PGLYRP3: variants seen among roughly 807,000 people sequenced by gnomAD.
PGLYRP3 encodes the protein peptidoglycan recognition protein I alpha.
A neutral mutation model predicts 36.0 loss-of-function variants in PGLYRP3; 39 were observed. That is an observed-to-expected ratio of 1.08 (90% confidence interval 0.84 to 1.41). The LOEUF is 1.41. Among genes scored for constraint, PGLYRP3 ranks in the 40% most tolerant of loss-of-function variants. The pLI is 0.00. For missense variants in PGLYRP3, 407 were observed against 427.9 expected, an observed-to-expected ratio of 0.95 and a Z score of 0.43; for synonymous variants, 204 against 172.8, an observed-to-expected ratio of 1.18 and a Z score of -1.42.
chr1:153,300,376 T>A (rs376338950), intron 6 of PGLYRP3, among the ~76,000 whole-genome samples: 1 of 152,234 alleles, frequency 6.6e-6, no homozygotes, highest in African/African-American at 2.4e-5. Context: ...TACATTATCC[T>A]GTTCTGCATC....
At chr1:153,306,288 G>A (rs746755601) in intron 3 of PGLYRP3, among the ~76,000 whole-genome samples, 7 of 152,180 alleles carry the variant, frequency 4.6e-5, no homozygotes, top group African/African-American at 7.2e-5. Flanking sequence ...AGTTCCATGC[G>A]GGACAGCCCC....
At position 153,297,581 on chromosome 1, in the gene PGLYRP3, G is replaced by GAAAGAAGAAAGAAAGAAAGAAAGA. The variant is rs918244220; in HGVS notation, c.*374_*375insTCTTTCTTTCTTTCTTTCTTCTTT. 2.1e-5 allele frequency among the ~76,000 whole-genome samples: 1 copy of GAAAGAAGAAAGAAAGAAAGAAAGA among 48,436 alleles called. No homozygotes were observed. 31.8% of individuals were successfully genotyped at this position (48,436 alleles called of 152,430 possible). ...AAAGAAAAAGAAAGAAAGAAAGAAA[G>GAAAGAAGAAAGAAAGAAAGAAAGA]AAGAAAGAAAGAAAGAAAGAAAGAG... On this transcript the variant is annotated 3_prime_UTR_variant, in exon 8 of 8. Transcript: ENST00000683862.
rs201517519 is a variant in PGLYRP3 at position 153,307,139 on chromosome 1, C to G, written c.184G>C (p.Val62Leu). Residue 62 changes from valine to leucine, a missense_variant, in exon 3 of 8, where the codon GTT becomes CTT. Coordinates refer to ENST00000683862, the MANE Select transcript of PGLYRP3 (RefSeq NM_052891.3). ...LPGMQCQQQS[V>L]CSQMLRGLQS... Reference sequence around the variant, plus strand: ...AACCCCCGCAGCATCTGGCTGCAAACGCTCTGCTGCTGGCACTGCATCCCT... The same window carrying G: ...AACCCCCGCAGCATCTGGCTGCAAAGGCTCTGCTGCTGGCACTGCATCCCT... The G allele has an allele frequency of 1.2e-6, 2 of 1,612,846 alleles. No homozygotes were observed. Among genetic ancestry groups the G allele is most frequent in the Non-Finnish European group, 1.7e-6 (2 of 1,179,470 alleles).
intron 5 of PGLYRP3, 50 bp from the exon 6 acceptor site, chr1:153,302,657 G>A (rs1264704553): frequency 6.4e-7 from 1 of 1,566,016 alleles, no homozygotes; most frequent in Non-Finnish European, 8.8e-7. Flanking sequence ...TTGCCTCTCT[G>A]TGAGCAATCA....
intron 1 of PGLYRP3, among the ~76,000 whole-genome samples, chr1:153,311,867 C>T (rs1422989231): frequency 2.0e-5 from 3 of 152,130 alleles, no homozygotes; most frequent in African/African-American, 4.8e-5. Flanking sequence ...CAGATAACAC[C>T]CAGGATTCCA....
chr1:153,300,331 AC>A (rs1232318263), intron 6 of PGLYRP3, among the ~76,000 whole-genome samples: 1 of 151,038 alleles, frequency 6.6e-6, no homozygotes, highest in Non-Finnish European at 1.5e-5. Flanking sequence ...GACCCCAATC[AC>A]CCCCCACAAA....
At chr1:153,306,694 T>C (rs78675916) in intron 3 of PGLYRP3, among the ~76,000 whole-genome samples, 2,844 of 152,188 alleles carry the variant, frequency 0.019, 63 homozygotes, top group East Asian at 0.086. Flanking sequence ...GAAATAAGGG[T>C]AGGAATATGG....
intron 2 of PGLYRP3, among the ~76,000 whole-genome samples, chr1:153,309,559 C>T (rs574954588): frequency 6.6e-6 from 1 of 152,326 alleles, no homozygotes; most frequent in African/African-American, 2.4e-5. Context: ...GAGGTTCTGT[C>T]CTTCTGTGAA....
chr1:153,300,010 A>G (rs1659545632), intron 6 of PGLYRP3, among the ~76,000 whole-genome samples: 1 of 152,058 alleles, frequency 6.6e-6, no homozygotes, highest in Non-Finnish European at 1.5e-5. Context: ...ACCCAGAGTG[A>G]TTTTTCTAAA....
chr1:153,298,379 G>T (rs1249930416), intron 7 of PGLYRP3, among the ~76,000 whole-genome samples: 1 of 152,140 alleles, frequency 6.6e-6, no homozygotes, highest in Non-Finnish European at 1.5e-5. Flanking sequence ...GAGGGGGCCA[G>T]GTGCAGTAGC....
chr1:153,301,930 G>A (rs983551046), intron 6 of PGLYRP3, among the ~76,000 whole-genome samples: 8 of 152,176 alleles, frequency 5.3e-5, no homozygotes, highest in Admixed American at 3.3e-4. Flanking sequence ...CCCTATTGTA[G>A]AGATGAGACA....
In PGLYRP3 at chr1:153,297,646, G is replaced by A. The variant is rs933407153; in HGVS notation, c.*310C>T. ...AAGAAAGAAGAGGAGACAGGGGTTG[G>A]GGGGAGAGAGAGAGAAATGCCACAA... On this transcript the variant is annotated 3_prime_UTR_variant, in exon 8 of 8. Coordinates refer to ENST00000683862, the MANE Select transcript of PGLYRP3 (RefSeq NM_052891.3). 6.6e-6 allele frequency among the ~76,000 whole-genome samples: 1 copy of A among 151,952 alleles called. No homozygotes were observed. Among genetic ancestry groups the A allele is most frequent in the Non-Finnish European group, 1.5e-5 (1 of 67,988 alleles).
intron 2 of PGLYRP3, 53 bp downstream of exon 2, chr1:153,310,558 C>T (rs201683514): frequency 1.8e-5 from 28 of 1,560,940 alleles, no homozygotes; most frequent in Admixed American, 1.2e-4. Context: ...AACTTGAGAA[C>T]GGTCTTCTCT....
intron 3 of PGLYRP3, 135 bp downstream of exon 3, chr1:153,306,931 T>G (rs1392677149): frequency 2.3e-6 from 2 of 874,902 alleles, no homozygotes; most frequent in Non-Finnish European, 3.5e-6. Context: ...TTTGTTTGAT[T>G]CCCCTTTTAC....
At position 153,312,821 on chromosome 1, in the gene PGLYRP3, G is replaced by A. The variant is rs558817687; in HGVS notation, c.-220C>T. 6.6e-6 allele frequency among the ~76,000 whole-genome samples: 1 copy of A among 152,326 alleles called. No homozygotes were observed. Among genetic ancestry groups the A allele is most frequent in the South Asian group, 2.1e-4 (1 of 4,828 alleles). On this transcript the variant is annotated 5_prime_UTR_variant, in exon 1 of 8. Transcript: ENST00000683862. ...AGAGGGCACTCCCTCCCTGGGAATG[G>A]AGCACTTGGGCTCTGGCTTCCCAGA...
chr1:153,308,222 G>A (rs552455709), intron 2 of PGLYRP3, among the ~76,000 whole-genome samples: 1 of 152,166 alleles, frequency 6.6e-6, no homozygotes, highest in African/African-American at 2.4e-5. Flanking sequence ...TCTCGATCTC[G>A]TGACCTCGTG....
intron 2 of PGLYRP3, among the ~76,000 whole-genome samples, chr1:153,308,494 T>A (rs1468962276): frequency 6.6e-6 from 1 of 152,078 alleles, no homozygotes; most frequent in Non-Finnish European, 1.5e-5. Context: ...CCCCAGCCAA[T>A]CTCCAAACCG....
chr1:153,298,083 C>G lies in PGLYRP3; in HGVS notation c.899G>C (p.Cys300Ser). The G allele has an allele frequency of 6.2e-7, 1 of 1,614,054 alleles. No individual in the cohort carries two copies. Among genetic ancestry groups the G allele is most frequent in the East Asian group, 2.2e-5 (1 of 44,872 alleles). ...AGTCAGGTACCCCTCAACCACGGCA[C>G]ACTGGATCAGGTCCTGGGCCGCCTC... ...ALEAAQDLIQCAVVEGYLTPN... is the reference protein window; with the variant it reads ...ALEAAQDLIQSAVVEGYLTPN... The change falls in exon 8 of 8, where the codon TGT (cysteine) becomes TCT (serine). Residue 300 changes from cysteine to serine, a missense_variant. Physicochemically the swap from Cys to Ser is moderately radical, Grantham distance 112. Transcript: ENST00000683862.
chr1:153,303,199 C>T (rs1323317781), intron 5 of PGLYRP3, among the ~76,000 whole-genome samples: 4 of 152,224 alleles, frequency 2.6e-5, no homozygotes, highest in Non-Finnish European at 2.9e-5. Flanking sequence ...TTTTAGGTTG[C>T]TGCTTATTCA....
Sources: allele counts gnomAD v4.1 joint callset (sites outside exome capture counted in the v4.1 genomes callset), GRCh38; gene constraint gnomAD v4.1.1; transcripts MANE v1.5; gene names NCBI Gene and HGNC (gene_info 2026-07-23, HGNC 2026-07-21).